Variants in CLMP observed in about 807,000 individuals in gnomAD.
The protein encoded by CLMP is CXADR-like membrane protein.
Under a neutral mutation model 45.2 loss-of-function variants are expected in CLMP, and 27 were observed. The ratio of observed to expected loss-of-function variants is 0.60; its 90% CI spans 0.44 to 0.82. The LOEUF is 0.82. Ranked by LOEUF, CLMP falls within the 40% of genes least tolerant of loss-of-function variation. CLMP has a pLI of 0.00. For synonymous variants in CLMP, 167 were observed against 171.4 expected, an observed-to-expected ratio of 0.97 and a Z score of 0.20; for missense variants, 403 against 448.4, an observed-to-expected ratio of 0.90 and a Z score of 0.91.
At chr11:123,111,290 C>A (rs1860634080) in intron 1 of CLMP, among the ~76,000 whole-genome samples, 2 of 151,866 alleles carry the variant, frequency 1.3e-5, no homozygotes, top group African/African-American at 4.8e-5. Context: ...ACCACCACAC[C>A]CAGCTCATTT....
At chr11:123,162,503 G>A (rs976571409) in intron 1 of CLMP, among the ~76,000 whole-genome samples, 2 of 152,198 alleles carry the variant, frequency 1.3e-5, no homozygotes, top group Non-Finnish European at 2.9e-5. Context: ...CACCTGGGAT[G>A]AATTAATTGA....
chr11:123,131,719 G>A (rs1316103006), intron 1 of CLMP, among the ~76,000 whole-genome samples: 3 of 151,974 alleles, frequency 2.0e-5, no homozygotes, highest in African/African-American at 7.3e-5. Context: ...GGGTTTGAGT[G>A]ATTCTCCTGC....
intron 5 of CLMP, among the ~76,000 whole-genome samples, chr11:123,082,285 T>G (rs1395877082): frequency 1.3e-5 from 2 of 152,238 alleles, no homozygotes; most frequent in Non-Finnish European, 2.9e-5. Context: ...CTAATTCACA[T>G]GTTTGTAAAT....
chr11:123,084,141 C>T (rs1865836891), intron 3 of CLMP, among the ~76,000 whole-genome samples: 1 of 152,112 alleles, frequency 6.6e-6, no homozygotes, highest in African/African-American at 2.4e-5. Flanking sequence ...GAAAGTTGAG[C>T]ATGGTTTTAC....
chr11:123,148,168 C>T (rs764648920), intron 1 of CLMP, among the ~76,000 whole-genome samples: 34 of 152,168 alleles, frequency 2.2e-4, no homozygotes, highest in Non-Finnish European at 4.1e-4. Context: ...TAGAATAGTA[C>T]GTGGCGTGTT....
chr11:123,149,797 T>A (rs1274063157), intron 1 of CLMP, among the ~76,000 whole-genome samples: 1 of 150,550 alleles, frequency 6.6e-6, no homozygotes, highest in East Asian at 2.0e-4. Flanking sequence ...CTTCCTTTCT[T>A]TCTTTCTTTG....
intron 1 of CLMP, among the ~76,000 whole-genome samples, chr11:123,182,713 G>C (rs757576251): frequency 6.6e-6 from 1 of 151,986 alleles, no homozygotes; most frequent in Non-Finnish European, 1.5e-5. Context: ...ACTCCAGCCC[G>C]ACCTCGGCAA....
chr11:123,144,955 A>G (rs1165671424), intron 1 of CLMP, among the ~76,000 whole-genome samples: 2 of 152,136 alleles, frequency 1.3e-5, no homozygotes, highest in African/African-American at 2.4e-5. Flanking sequence ...CAGCCACTAC[A>G]TGTGGCAATG....
chr11:123,122,142 A>G (rs1315194469), intron 1 of CLMP, among the ~76,000 whole-genome samples: 1 of 152,176 alleles, frequency 6.6e-6, no homozygotes, highest in African/African-American at 2.4e-5. Context: ...GGGGGCAGGT[A>G]CTGTCTTCTA....
chr11:123,181,483 T>C lies in CLMP; in HGVS notation c.28+13430A>G, dbSNP rs370643712. Among the ~76,000 whole-genome samples the C allele has an allele frequency of 1.4e-4, 22 of 152,334 alleles. No individual in the cohort carries two copies. In the East Asian group the frequency reaches 3.1e-3, roughly 21 times the overall value. On this transcript the variant is annotated intron_variant, in intron 1 of 6. Coordinates refer to ENST00000448775, the MANE Select transcript of CLMP (RefSeq NM_024769.5). ...TTAAGTTCTTCCATCTCCCTTACTA[T>C]CTTTTCCCAAAACTTTTGTTTCACT...
chr11:123,109,078 AAAG>A (rs1367520066), intron 1 of CLMP, among the ~76,000 whole-genome samples: 2 of 151,358 alleles, frequency 1.3e-5, no homozygotes, highest in African/African-American at 4.9e-5. Context: ...AAAAAAAAAA[AAAG>A]AAAGAAAGAA....
chr11:123,097,891 C>A lies in CLMP; in HGVS notation c.90G>T (p.Lys30Asn), dbSNP rs749716633. Residue 30 changes from lysine (K) to asparagine (N), a missense_variant, in exon 2 of 7, where the codon AAG becomes AAT. By Grantham distance (94) the Lys-to-Asn change is moderately conservative. Transcript: ENST00000448775. ...GTTGATGGTGGCAGGGCAAAGTGAC[C>A]TTTTCCTCTGCCACTCTCTTGATCT... ...HTEIKRVAEE[K>N]VTLPCHHQLG... 1.2e-6 allele frequency: 2 copies of A among 1,609,828 alleles called. No homozygotes were observed. Among genetic ancestry groups the A allele is most frequent in the Non-Finnish European group, 1.7e-6 (2 of 1,178,074 alleles).
chr11:123,107,460 A>T (rs924246115), intron 1 of CLMP, among the ~76,000 whole-genome samples: 2 of 149,380 alleles, frequency 1.3e-5, no homozygotes, highest in African/African-American at 4.9e-5. Context: ...CAAAGTCCTG[A>T]CCTCAGGTGA....
At chr11:123,127,794 T>C (rs549152036) in intron 1 of CLMP, among the ~76,000 whole-genome samples, 22 of 152,186 alleles carry the variant, frequency 1.4e-4, no homozygotes, top group Middle Eastern at 3.4e-3. Flanking sequence ...TCCAGCACTT[T>C]GGGAGGCCAA....
chr11:123,107,648 A>C (rs1017660191), intron 1 of CLMP, among the ~76,000 whole-genome samples: 2 of 151,700 alleles, frequency 1.3e-5, no homozygotes, highest in Admixed American at 1.3e-4. Flanking sequence ...CTGGGATCAC[A>C]GGCATGGGCC....
chr11:123,186,421 A>G (rs2135551113), intron 1 of CLMP, among the ~76,000 whole-genome samples: 1 of 152,268 alleles, frequency 6.6e-6, no homozygotes, highest in East Asian at 1.9e-4. Flanking sequence ...CAGCTGTGAT[A>G]TGCCAAGCAG....
At chr11:123,104,605 C>T (rs373087996) in intron 1 of CLMP, among the ~76,000 whole-genome samples, 2 of 151,898 alleles carry the variant, frequency 1.3e-5, no homozygotes, top group East Asian at 1.9e-4. Context: ...AGGCTCGTCT[C>T]GAATTCCTGA....
chr11:123,145,289 T>C (rs1861219673), intron 1 of CLMP, among the ~76,000 whole-genome samples: 1 of 152,078 alleles, frequency 6.6e-6, no homozygotes, highest in Non-Finnish European at 1.5e-5. Context: ...AACTTTGTGC[T>C]CTCGTCTGTT....
Position 123,073,046 on chromosome 11 carries a change from A to G in CLMP, c.*428T>C, listed in dbSNP as rs1383957955. The G allele has an allele frequency of 6.1e-6, 1 of 164,122 alleles. No individual in the cohort carries two copies. Among genetic ancestry groups the G allele is most frequent in the Admixed American group, 5.7e-5 (1 of 17,404 alleles). The allele number at this position is 164,122 out of a possible 1,614,324, so 10.2% of individuals were successfully genotyped here. ...GTTCTGCTTGACTGTCTGAATAACT[A>G]ATAATCCAATAAGTTTGCAGAAATG... On this transcript the variant is annotated 3_prime_UTR_variant, in exon 7 of 7. Coordinates refer to ENST00000448775, the MANE Select transcript of CLMP (RefSeq NM_024769.5).
Sources: gnomAD v4.1 joint callset for allele counts (sites outside exome capture counted in the v4.1 genomes callset) on GRCh38, gnomAD v4.1.1 for gene constraint, MANE v1.5 for transcripts, NCBI Gene and HGNC (gene_info 2026-07-23, HGNC 2026-07-21) for gene names.